Variants in HERC3 observed in about 807,000 individuals in gnomAD.
HERC3 encodes HECT and RLD domain containing E3 ubiquitin protein ligase 3.
HERC3 carries 58 observed loss-of-function variants against 129.9 expected under a neutral mutation model. The observed-to-expected ratio is 0.45, with a 90% CI of 0.36 to 0.56. The LOEUF (loss-of-function observed/expected upper bound fraction) is 0.56, where lower values mean the gene tolerates loss of function less well. HERC3 is among the 20% of genes least tolerant of loss of function. HERC3 has a pLI of 0.00. For synonymous variants in HERC3, 430 were observed against 451.0 expected (o/e 0.95, Z 0.59); for missense variants, 835 against 1,244.2 (o/e 0.67, Z 4.95).
At chr4:88,591,093 A>G (rs79794894), upstream of HERC3, among the ~76,000 whole-genome samples, 4,921 of 152,040 alleles carry the variant, frequency 0.032, 276 homozygotes, top group East Asian at 0.27. Context: ...AGGTTTCACC[A>G]TGTTGGCCAG....
intron 3 of HERC3, among the ~76,000 whole-genome samples, chr4:88,612,786 T>C (rs796807892): frequency 1.1e-4 from 16 of 152,334 alleles, no homozygotes; most frequent in African/African-American, 3.8e-4. Context: ...GGAAGTCTTG[T>C]GTGCCTTCCC....
chr4:88,627,819 G>A (rs145598536), intron 3 of HERC3, among the ~76,000 whole-genome samples: 1,785 of 150,120 alleles, frequency 0.012, 40 homozygotes, highest in African/African-American at 0.041. Flanking sequence ...CTGGAGAATC[G>A]CTTGAACCTG....
chr4:88,560,789 A>C, the HERC3 span, among the ~76,000 whole-genome samples: 1 of 152,132 alleles, frequency 6.6e-6, no homozygotes, highest in Non-Finnish European at 1.5e-5. Context: ...GTCCAAATCC[A>C]TTCTTCTGCC....
chr4:88,579,547 T>C, the HERC3 span, among the ~76,000 whole-genome samples: 1 of 152,068 alleles, frequency 6.6e-6, no homozygotes, highest in Non-Finnish European at 1.5e-5. Flanking sequence ...GTATGTAGAA[T>C]GGATGGGGAA....
intron 10 of HERC3, among the ~76,000 whole-genome samples, chr4:88,660,465 A>G (rs904558802): frequency 2.0e-5 from 3 of 152,176 alleles, no homozygotes; most frequent in Middle Eastern, 6.8e-3. Context: ...CGGCCTCCCA[A>G]AGTGCTAGGA....
the HERC3 span, among the ~76,000 whole-genome samples, chr4:88,558,954 C>G: frequency 6.0e-5 from 8 of 133,754 alleles, no homozygotes; most frequent in African/African-American, 3.1e-5. Context: ...GGCAACAGAG[C>G]GAGACTCTGT....
rs141559610 is a variant in HERC3 at position 88,644,977 on chromosome 4, G to A, written c.227-4863G>A. On this transcript the variant is annotated intron_variant, in intron 3 of 25. Transcript: ENST00000402738. The stretch of plus-strand genomic sequence containing the variant: ...AAGAGACTTAGTCATGTTGTGGGAG[G>A]CAGGGAGACTCTAGGATGAAAATTA... Among the ~76,000 whole-genome samples, 95 of 152,114 alleles carry A rather than the reference G, an allele frequency of 6.2e-4. No homozygotes were observed. In the Middle Eastern group the frequency reaches 0.017, roughly 27 times the overall value.
chr4:88,654,921 A>G (rs1729720929), intron 7 of HERC3, among the ~76,000 whole-genome samples: 1 of 152,130 alleles, frequency 6.6e-6, no homozygotes, highest in Non-Finnish European at 1.5e-5. Flanking sequence ...TTGTACTTTC[A>G]AACGATTTTA....
At chr4:88,584,490 C>T in the HERC3 span, among the ~76,000 whole-genome samples, 1 of 152,104 alleles carries the variant, frequency 6.6e-6, no homozygotes, top group Non-Finnish European at 1.5e-5. Flanking sequence ...AATGTTGTCC[C>T]CTCCAAAGCT....
At chr4:88,593,895 G>T (rs1245398686) in intron 1 of HERC3, among the ~76,000 whole-genome samples, 8 of 152,218 alleles carry the variant, frequency 5.3e-5, no homozygotes, top group Non-Finnish European at 1.2e-4. Flanking sequence ...TGGGGGAGGA[G>T]GGAGTAGCAT....
chr4:88,579,226 A>ATATATATATATATATATATATAT, the HERC3 span, among the ~76,000 whole-genome samples: 6 of 93,960 alleles, frequency 6.4e-5, no homozygotes, highest in African/African-American at 6.1e-4. Context: ...TACTAAAAAA[A>ATATATATATATATATATATATAT]AAAAAAATAT....
chr4:88,545,034 A>G, the HERC3 span, among the ~76,000 whole-genome samples: 3 of 152,208 alleles, frequency 2.0e-5, no homozygotes, highest in South Asian at 2.1e-4. Context: ...CACGTACCCT[A>G]GAACTTAAAG....
chr4:88,540,179 G>A, the HERC3 span, among the ~76,000 whole-genome samples: 5 of 152,124 alleles, frequency 3.3e-5, no homozygotes, highest in East Asian at 1.9e-4. Context: ...TCACAAGGAG[G>A]TTAAAAATCT....
At chr4:88,687,550 G>A (rs950499310) in intron 23 of HERC3, among the ~76,000 whole-genome samples, 1 of 152,126 alleles carries the variant, frequency 6.6e-6, no homozygotes, top group African/African-American at 2.4e-5. Flanking sequence ...AGCAAGTTAC[G>A]TAAACTGGTT....
intron 23 of HERC3, among the ~76,000 whole-genome samples, chr4:88,691,943 T>C (rs1734116487): frequency 6.6e-6 from 1 of 152,256 alleles, no homozygotes; most frequent in Non-Finnish European, 1.5e-5. Context: ...TTTGCTGGCA[T>C]TGCTGCCCCA....
At chr4:88,552,445 G>A in the HERC3 span, among the ~76,000 whole-genome samples, 1 of 152,046 alleles carries the variant, frequency 6.6e-6, no homozygotes, top group African/African-American at 2.4e-5. Flanking sequence ...TAGAGACAGG[G>A]TTTCACTAGG....
intron 23 of HERC3, chr4:88,697,551 G>C: frequency 6.2e-7 from 1 of 1,614,168 alleles, no homozygotes; most frequent in Non-Finnish European, 8.5e-7. Flanking sequence ...TCTCGATAAA[G>C]TCATTTTTCG....
rs763725666 is a variant in HERC3, at chr4:88,653,043, G to T, written c.638G>T (p.Gly213Val). ...CTGTCTCTCTCAGGAGCTGTTTTTG[G>T]CTGGGGGATGAATAATGCCGGGCAG... ...FALSLSGAVF[G>V]WGMNNAGQLG... is the part of the protein sequence containing the mutation. The change falls in exon 6 of 26, where the codon GGC becomes GTC. Residue 213 changes from glycine to valine, a missense_variant. Transcript: ENST00000402738. The T allele has an allele frequency of 1.2e-6, 2 of 1,614,206 alleles. No individual in the cohort carries two copies. Among genetic ancestry groups the T allele is most frequent in the Non-Finnish European group, 1.7e-6 (2 of 1,180,028 alleles).
intron 2 of HERC3, among the ~76,000 whole-genome samples, chr4:88,598,999 T>A (rs188493997): frequency 2.6e-5 from 4 of 152,300 alleles, no homozygotes; most frequent in Admixed American, 1.3e-4. Flanking sequence ...ATTTCATAAT[T>A]GTGTATTTTG....
Sources: gnomAD v4.1 joint callset for allele counts (sites outside exome capture counted in the v4.1 genomes callset) on GRCh38, gnomAD v4.1.1 for gene constraint, MANE v1.5 for transcripts, NCBI Gene and HGNC (gene_info 2026-07-23, HGNC 2026-07-21) for gene names.